Variants in NUDCD3 observed in about 807,000 individuals in gnomAD.
NUDCD3 encodes the protein NudC domain containing 3.
A neutral mutation model predicts 39.7 loss-of-function variants in NUDCD3; 13 were observed. The observed-to-expected ratio is 0.33, with a 90% CI of 0.21 to 0.52. The LOEUF is 0.52. Ranked by LOEUF, NUDCD3 falls within the 20% of genes least tolerant of loss-of-function variation. The probability of loss-of-function intolerance (pLI) is 0.96; values close to 1 mark genes in which losing one functional copy is unlikely to be tolerated. For missense variants in NUDCD3, 453 were observed against 458.1 expected (o/e 0.99, Z 0.10); for synonymous variants, 175 against 172.4 (o/e 1.02, Z -0.12).
intron 3 of NUDCD3, chr7:44,426,110 G>A (rs1001062563): frequency 7.1e-6 from 7 of 985,084 alleles, no homozygotes; most frequent in Non-Finnish European, 8.4e-6. Flanking sequence ...TCTTTGCTTT[G>A]CCTCTCAGGA....
At chr7:44,427,542 C>T (rs1301970423) in intron 3 of NUDCD3, 29 bp downstream of exon 3, 5 of 1,600,548 alleles carry the variant, frequency 3.1e-6, no homozygotes, top group African/African-American at 1.3e-5. Context: ...TGGGTGAAGC[C>T]GCCCACCCCT....
rs930009223 is a variant in NUDCD3, at chr7:44,396,624, T to C, written c.787-4139A>G. On this transcript the variant is annotated intron_variant, in intron 4 of 5. Transcript: ENST00000355451. ...TAATGGCCCACGCCTCGTAAGTCAT[T>C]GAGCTGACAAGCTTCTTTATGCTCT... 2.6e-5 allele frequency among the ~76,000 whole-genome samples: 4 copies of C among 152,322 alleles called. No individual in the cohort carries two copies. In the South Asian group the frequency reaches 6.2e-4, roughly 24 times the overall value.
intron 2 of NUDCD3, among the ~76,000 whole-genome samples, chr7:44,430,058 AG>A (rs1799324566): frequency 3.9e-5 from 6 of 152,254 alleles, no homozygotes; most frequent in Admixed American, 3.9e-4. Flanking sequence ...ACTGAAAGGA[AG>A]CACATTAAAT....
intron 4 of NUDCD3, among the ~76,000 whole-genome samples, chr7:44,404,157 A>G (rs1798773954): frequency 6.6e-6 from 1 of 152,202 alleles, no homozygotes; most frequent in Non-Finnish European, 1.5e-5. Flanking sequence ...TAGCATCTGT[A>G]AAAATTCAAC....
chr7:44,386,583 G>C (rs1798406799), intron 5 of NUDCD3, among the ~76,000 whole-genome samples: 1 of 152,170 alleles, frequency 6.6e-6, no homozygotes, highest in Non-Finnish European at 1.5e-5. Flanking sequence ...GTGCAGAGGA[G>C]ATACCCTAGC....
At chr7:44,450,033 AG>A (rs1799765016) in intron 2 of NUDCD3, among the ~76,000 whole-genome samples, 1 of 152,196 alleles carries the variant, frequency 6.6e-6, no homozygotes, top group African/African-American at 2.4e-5. Flanking sequence ...TTCAATAATA[AG>A]AAAACAACCC....
chr7:44,460,742 T>C (rs1799991715), intron 2 of NUDCD3, among the ~76,000 whole-genome samples: 1 of 152,186 alleles, frequency 6.6e-6, no homozygotes, highest in African/African-American at 2.4e-5. Flanking sequence ...GATGCTTTAA[T>C]TTGGGGGGAA....
intron 4 of NUDCD3, among the ~76,000 whole-genome samples, chr7:44,400,708 T>C (rs1798705287): frequency 6.6e-6 from 1 of 152,236 alleles, no homozygotes; most frequent in Non-Finnish European, 1.5e-5. Flanking sequence ...TCCTGCCATT[T>C]CCAGCTTCTG....
chr7:44,408,745 G>A (rs977025447), intron 3 of NUDCD3, among the ~76,000 whole-genome samples: 5 of 152,202 alleles, frequency 3.3e-5, no homozygotes, highest in African/African-American at 1.2e-4. Context: ...AGAACAGTGA[G>A]CTCTGTGATA....
intron 2 of NUDCD3, among the ~76,000 whole-genome samples, chr7:44,468,808 C>T (rs937390355): frequency 9.9e-5 from 15 of 151,916 alleles, no homozygotes; most frequent in African/African-American, 3.6e-4. Context: ...AAGAAGTGCT[C>T]GAAAAATGAT....
At chr7:44,398,302 T>A (rs1226901218) in intron 4 of NUDCD3, among the ~76,000 whole-genome samples, 1 of 152,198 alleles carries the variant, frequency 6.6e-6, no homozygotes, top group Non-Finnish European at 1.5e-5. Flanking sequence ...TACTGACCCC[T>A]GGATTCCTGG....
intron 4 of NUDCD3, 72 bp downstream of exon 4, chr7:44,404,368 G>A: frequency 6.7e-7 from 1 of 1,483,470 alleles, no homozygotes; most frequent in Admixed American, 1.8e-5. Context: ...AAATAGGCTT[G>A]TTGGTCAAAA....
At chr7:44,391,141 TG>T (rs1371485002) in intron 5 of NUDCD3, among the ~76,000 whole-genome samples, 1 of 151,916 alleles carries the variant, frequency 6.6e-6, no homozygotes, top group African/African-American at 2.4e-5. Context: ...CTCTCTATTG[TG>T]GGGGGAAAAA....
intron 1 of NUDCD3, among the ~76,000 whole-genome samples, chr7:44,486,531 A>G (rs2116986852): frequency 6.6e-6 from 1 of 152,248 alleles, no homozygotes; most frequent in East Asian, 1.9e-4. Flanking sequence ...GAAAAAAAAA[A>G]ATCAATAAAA....
chr7:44,451,813 G>A (rs1042779541), intron 2 of NUDCD3, among the ~76,000 whole-genome samples: 2 of 152,124 alleles, frequency 1.3e-5, no homozygotes, highest in African/African-American at 4.8e-5. Context: ...AAAAGAAGGT[G>A]GGCAAAGAGG....
chr7:44,459,350 C>T (rs1238847758), intron 2 of NUDCD3, among the ~76,000 whole-genome samples: 1 of 151,950 alleles, frequency 6.6e-6, no homozygotes, highest in African/African-American at 2.4e-5. Context: ...AGGCATGCAC[C>T]ACCATGCCTG....
At chr7:44,392,821 T>G (rs1216596491) in intron 4 of NUDCD3, among the ~76,000 whole-genome samples, 1 of 152,064 alleles carries the variant, frequency 6.6e-6, no homozygotes, top group African/African-American at 2.4e-5. Context: ...CCCACTCTCA[T>G]GAAGAAAGGC....
intron 3 of NUDCD3, chr7:44,426,030 G>T: frequency 1.6e-6 from 1 of 629,164 alleles, no homozygotes; most frequent in Non-Finnish European, 2.0e-6. Context: ...ATAGGACATG[G>T]CTCCCTGCTC....
intron 2 of NUDCD3, among the ~76,000 whole-genome samples, chr7:44,447,572 A>G (rs990765662): frequency 2.0e-5 from 3 of 152,208 alleles, no homozygotes; most frequent in Non-Finnish European, 4.4e-5. Flanking sequence ...CAAAGGACAC[A>G]GCATCAGGCC....
Sources: gnomAD v4.1 joint callset for allele counts (sites outside exome capture counted in the v4.1 genomes callset) on GRCh38, gnomAD v4.1.1 for gene constraint, MANE v1.5 for transcripts, NCBI Gene and HGNC (gene_info 2026-07-23, HGNC 2026-07-21) for gene names.